The following EVC2 variants were observed in gnomAD, a reference collection of about 807,000 sequenced individuals.
EVC2 encodes limbin.
Under a neutral mutation model 149.3 loss-of-function variants are expected in EVC2, and 148 were observed. The ratio of observed to expected loss-of-function variants is 0.99; its 90% CI spans 0.87 to 1.14. EVC2 has a LOEUF of 1.14. EVC2 is among the 50% of genes most tolerant of loss of function. The pLI is 0.00. For synonymous variants in EVC2, 776 were observed against 649.9 expected, an observed-to-expected ratio of 1.19 and a Z score of -2.95; for missense variants, 1,854 against 1,627.3, an observed-to-expected ratio of 1.14 and a Z score of -2.40.
intron 1 of EVC2, among the ~76,000 whole-genome samples, chr4:5,703,928 C>A (rs1410220003): frequency 6.6e-6 from 1 of 151,876 alleles, no homozygotes; most frequent in Non-Finnish European, 1.5e-5. Flanking sequence ...GTCAGGGTAT[C>A]AGGGGGAGGA....
chr4:5,564,482 G>A (rs910435378), intron 21 of EVC2, among the ~76,000 whole-genome samples: 1 of 152,190 alleles, frequency 6.6e-6, no homozygotes, highest in Non-Finnish European at 1.5e-5. Context: ...TTTATCATGA[G>A]TAATCTATGA....
chr4:5,685,738 G>T (rs954207309), intron 5 of EVC2, among the ~76,000 whole-genome samples: 2 of 152,322 alleles, frequency 1.3e-5, no homozygotes, highest in Middle Eastern at 3.4e-3. Flanking sequence ...ATTCACGAGT[G>T]GGGGTGCACC....
Position 5,628,677 on chromosome 4 carries a change from T to C in EVC2, c.1768A>G (p.Lys590Glu). The C allele has an allele frequency of 1.2e-6, 2 of 1,614,062 alleles. No homozygotes were observed. The highest frequency in any genetic ancestry group is 1.7e-6 in the Non-Finnish European group (2 of 1,180,026). Residue 590 changes from lysine (K) to glutamate (E), a missense_variant, in exon 12 of 22, where the codon AAA (lysine) becomes GAA (glutamate). Physicochemically the swap from Lys to Glu is moderately conservative, Grantham distance 56 (BLOSUM62 1). Coordinates refer to ENST00000344408, the MANE Select transcript of EVC2 (RefSeq NM_147127.5). Reference sequence around the variant, plus strand: ...AGATATTCCCTGTGGCCAAATCTTTTACTTAGATGATACCTCTTACTAGCC... The same window carrying C: ...AGATATTCCCTGTGGCCAAATCTTTCACTTAGATGATACCTCTTACTAGCC... ...FQASKRYHLS[K>E]RFGHREYLVQ... is the part of the protein sequence containing the mutation.
chr4:5,535,787 T>G, the EVC2 span, among the ~76,000 whole-genome samples: 1 of 152,082 alleles, frequency 6.6e-6, no homozygotes. This position sits in a 1 kb window ranked among gnomAD's most constrained non-coding sequence, Gnocchi z 4.7. Context: ...CATATAAATT[T>G]TGGGGGAGAG....
In EVC2 at chr4:5,657,998, C is replaced by A. The variant is rs933829369; in HGVS notation, c.1145+5109G>T. ...CATCGCCAGCTCTCAGCTTAACAAG[C>A]CTCCATTAGAAGCATCCTCTCCAAG... On this transcript the variant is annotated intron_variant, in intron 9 of 21. Coordinates refer to ENST00000344408, the MANE Select transcript of EVC2 (RefSeq NM_147127.5). This position sits in a 1 kb window ranked among gnomAD's most constrained non-coding sequence, Gnocchi z 4.7. 6.6e-6 allele frequency among the ~76,000 whole-genome samples: 1 copy of A among 152,156 alleles called. No individual in the cohort carries two copies. Among genetic ancestry groups the A allele is most frequent in the African/African-American group, 2.4e-5 (1 of 41,426 alleles).
In EVC2 at chr4:5,618,783, G is replaced by A; in HGVS notation, c.2502-101C>T. ...TGCAAAGCTCATTCCTCATATCCAT[G>A]TCTGCAGAAAAAGCACTGGCTCCTT... On this transcript the variant is annotated intron_variant, in intron 14 of 21. Coordinates refer to ENST00000344408, the MANE Select transcript of EVC2 (RefSeq NM_147127.5). The surrounding 1 kb of genome is among the most constrained non-coding windows in gnomAD (Gnocchi z 4.4). 1 of 1,160,944 alleles carries A rather than the reference G, an allele frequency of 8.6e-7. No homozygotes were observed. The highest frequency in any genetic ancestry group is 1.3e-6 in the Non-Finnish European group (1 of 794,916). 71.9% of individuals were successfully genotyped at this position (1,160,944 alleles called of 1,614,324 possible).
chr4:5,673,381 T>C (rs1178344647), intron 7 of EVC2, among the ~76,000 whole-genome samples: 1 of 151,946 alleles, frequency 6.6e-6, no homozygotes, highest in Admixed American at 6.5e-5. Context: ...CAGTGATGAG[T>C]TCAGAACCAG....
At chr4:5,676,215 A>G (rs1719981739) in intron 7 of EVC2, among the ~76,000 whole-genome samples, 2 of 152,190 alleles carry the variant, frequency 1.3e-5, no homozygotes, top group South Asian at 4.1e-4. Flanking sequence ...TCCAGGAGAC[A>G]GAAAGGGGAA....
intron 11 of EVC2, among the ~76,000 whole-genome samples, chr4:5,629,084 T>A (rs1716343146): frequency 6.6e-6 from 1 of 152,214 alleles, no homozygotes; most frequent in Non-Finnish European, 1.5e-5. Context: ...AACACCAGGA[T>A]GAGGTGCTGA....
chr4:5,708,362 T>A lies in EVC2; in HGVS notation c.152A>T (p.Gln51Leu). ...PLGAQPPRDP[Q>L]VAPRSGPGLR... ...GCCGGGCCCAGACCTAGGAGCCACC[T>A]GGGGATCCCGGGGTGGCTGCGCGCC... Residue 51 changes from glutamine to leucine, a missense_variant, in exon 1 of 22, where the codon CAG (glutamine) becomes CTG (leucine). Transcript: ENST00000344408. 1 of 1,488,002 alleles carries A rather than the reference T, an allele frequency of 6.7e-7. No homozygotes were observed. 92.2% of individuals were successfully genotyped at this position (1,488,002 alleles called of 1,614,324 possible).
intron 20 of EVC2, among the ~76,000 whole-genome samples, chr4:5,568,082 C>G (rs1722410410): frequency 6.6e-6 from 1 of 152,170 alleles, no homozygotes; most frequent in South Asian, 2.1e-4. Flanking sequence ...TACCAACACA[C>G]AAACACATGC....
At chr4:5,621,349 C>T (rs561960944) in intron 14 of EVC2, among the ~76,000 whole-genome samples, 8 of 152,316 alleles carry the variant, frequency 5.3e-5, no homozygotes, top group African/African-American at 1.7e-4. Context: ...CTTGATAGTG[C>T]CATGTACTGC....
chr4:5,643,009 AACAG>A (rs1717453943), intron 9 of EVC2, among the ~76,000 whole-genome samples: 1 of 152,244 alleles, frequency 6.6e-6, no homozygotes, highest in Non-Finnish European at 1.5e-5. Flanking sequence ...CAGACCGATC[AACAG>A]ACAGACAGAT....
chr4:5,547,612 G>A lies in EVC2; in HGVS notation c.3420-4400C>T, dbSNP rs146509077. 5.7e-3 allele frequency among the ~76,000 whole-genome samples: 869 copies of A among 152,306 alleles called. 10 individuals carry two copies. The highest frequency in any genetic ancestry group is 0.02 in the African/African-American group (823 of 41,582). The stretch of plus-strand genomic sequence containing the variant: ...GCCAAAGCTGAGCAGACATCAGGAT[G>A]ACCAGCTGCAGAGAGGAGCTACCCA... On this transcript the variant is annotated intron_variant and NMD_transcript_variant, in intron 21 of 22. Coordinates refer to the EVC2 transcript ENST00000475313.
chr4:5,572,974 C>T (rs574545563), intron 19 of EVC2, among the ~76,000 whole-genome samples: 2 of 152,328 alleles, frequency 1.3e-5, no homozygotes, highest in South Asian at 4.1e-4. Flanking sequence ...CTCATGCCCT[C>T]ACCACCTCTC....
intron 9 of EVC2, among the ~76,000 whole-genome samples, chr4:5,650,634 TATATAG>T (rs1341208959): frequency 6.0e-3 from 349 of 58,022 alleles, no homozygotes; most frequent in South Asian, 0.012. Context: ...TATATATATA[TATATAG>T]AGAGAGAGAG....
intron 6 of EVC2, among the ~76,000 whole-genome samples, chr4:5,682,153 G>T (rs956575686): frequency 3.3e-5 from 5 of 152,166 alleles, no homozygotes; most frequent in African/African-American, 1.2e-4. Flanking sequence ...TGCTATTGGT[G>T]GCTGTAGGTA....
chr4:5,658,391 A>G (rs28558464), intron 9 of EVC2, among the ~76,000 whole-genome samples: 8,836 of 152,360 alleles, frequency 0.058, 317 homozygotes, highest in South Asian at 0.12. Flanking sequence ...GTGTTTACAA[A>G]GAATAAAAAG....
chr4:5,619,065 G>C (rs1365278800), intron 14 of EVC2, among the ~76,000 whole-genome samples: 1 of 152,172 alleles, frequency 6.6e-6, no homozygotes, highest in African/African-American at 2.4e-5. Flanking sequence ...ACAGAGGAGA[G>C]ACACACAAAA....
Sources: gnomAD v4.1 joint callset for allele counts (sites outside exome capture counted in the v4.1 genomes callset) on GRCh38, gnomAD v4.1.1 for gene constraint, Gnocchi (gnomAD v3.1) non-coding constraint, MANE v1.5 for transcripts, NCBI Gene and HGNC (gene_info 2026-07-23, HGNC 2026-07-21) for gene names.